AOAH: variants seen among roughly 807,000 people sequenced by gnomAD.
The protein encoded by AOAH is acyloxyacyl hydrolase (neutrophil).
Under a neutral mutation model 92.2 loss-of-function variants are expected in AOAH, and 64 were observed. The ratio of observed to expected loss-of-function variants is 0.69; its 90% CI spans 0.57 to 0.86. The LOEUF (loss-of-function observed/expected upper bound fraction) is 0.86. Among genes scored for constraint, AOAH ranks in the 40% least tolerant of loss-of-function variants. The pLI, the probability that AOAH is intolerant of heterozygous loss-of-function variation, is 0.00. For missense variants in AOAH, 656 were observed against 694.6 expected, an observed-to-expected ratio of 0.94 and a Z score of 0.62; for synonymous variants, 263 against 254.5, an observed-to-expected ratio of 1.03 and a Z score of -0.32.
At chr7:36,619,919 A>C (rs1792160526) in intron 9 of AOAH, among the ~76,000 whole-genome samples, 1 of 152,142 alleles carries the variant, frequency 6.6e-6, no homozygotes, top group Non-Finnish European at 1.5e-5. Flanking sequence ...AATATCTTGA[A>C]GTTAGGGAAT....
chr7:36,601,921 A>G (rs1183192644), intron 11 of AOAH, among the ~76,000 whole-genome samples: 1 of 152,266 alleles, frequency 6.6e-6, no homozygotes, highest in African/African-American at 2.4e-5. Context: ...AACACCAAGT[A>G]TTACAGTTAC....
At chr7:36,673,065 A>C (rs893859818) in intron 3 of AOAH, among the ~76,000 whole-genome samples, 1 of 152,208 alleles carries the variant, frequency 6.6e-6, no homozygotes, top group Non-Finnish European at 1.5e-5. Flanking sequence ...ATAGGAGCAG[A>C]GAAAGTTATG....
chr7:36,669,085 G>A (rs895643862), intron 3 of AOAH, among the ~76,000 whole-genome samples: 2 of 152,142 alleles, frequency 1.3e-5, no homozygotes, highest in Non-Finnish European at 2.9e-5. Flanking sequence ...ATCTAAAGAG[G>A]AGCAAGGATG....
intron 12 of AOAH, among the ~76,000 whole-genome samples, chr7:36,579,119 G>T (rs552330703): frequency 1.3e-5 from 2 of 151,980 alleles, no homozygotes; most frequent in African/African-American, 4.8e-5. Context: ...TGAGAAATCC[G>T]CCTCCATGTT....
chr7:36,653,276 G>A (rs1300908015), intron 4 of AOAH, among the ~76,000 whole-genome samples: 2 of 152,126 alleles, frequency 1.3e-5, no homozygotes, highest in Non-Finnish European at 2.9e-5. Flanking sequence ...CCAATTTCCT[G>A]TCTATCTGTG....
At chr7:36,587,912 AT>A (rs1453952464) in intron 12 of AOAH, among the ~76,000 whole-genome samples, 1 of 152,200 alleles carries the variant, frequency 6.6e-6, no homozygotes, top group East Asian at 1.9e-4. Flanking sequence ...AAAAACCATG[AT>A]TTGTTATCAA....
chr7:36,655,578 T>A (rs911509291), intron 4 of AOAH, among the ~76,000 whole-genome samples: 2 of 152,174 alleles, frequency 1.3e-5, no homozygotes, highest in African/African-American at 4.8e-5. Context: ...CCTGAAAAGC[T>A]AAGTGAAAAT....
rs559330684 is a variant in AOAH at position 36,717,368 on chromosome 7, T to C, written c.127+6654A>G. On this transcript the variant is annotated intron_variant, in intron 1 of 20. Transcript: ENST00000617537. Reference sequence around the variant, plus strand: ...TGGCAGCCATCTCTGTATTTTGAGCTCTCCCCACTCCCACCCACCCCTTAG... The same window carrying C: ...TGGCAGCCATCTCTGTATTTTGAGCCCTCCCCACTCCCACCCACCCCTTAG... Among the ~76,000 whole-genome samples the C allele has an allele frequency of 1.3e-3, 200 of 152,094 alleles. 1 individual carries two copies. Among genetic ancestry groups the C allele is most frequent in the African/African-American group, 4.7e-3 (194 of 41,468 alleles).
chr7:36,616,609 T>C (rs1262343558), intron 10 of AOAH, 135 bp from the exon 11 acceptor site: 1 of 687,700 alleles, frequency 1.5e-6, no homozygotes, highest in Admixed American at 2.3e-5. Flanking sequence ...ATTACCACTT[T>C]TCGCATGTTT....
intron 1 of AOAH, among the ~76,000 whole-genome samples, chr7:36,691,575 TAGA>T (rs1797402451): frequency 6.6e-6 from 1 of 151,804 alleles, no homozygotes. Flanking sequence ...TAGTAGAGAG[TAGA>T]AGAATTGGGA....
At chr7:36,690,050 C>A in intron 1 of AOAH, 1 of 354,990 alleles carries the variant, frequency 2.8e-6, no homozygotes. Flanking sequence ...AGGATAAATG[C>A]AAAGCGAATG....
chr7:36,547,507 G>T (rs1250351390), intron 15 of AOAH, among the ~76,000 whole-genome samples: 1 of 152,210 alleles, frequency 6.6e-6, no homozygotes, highest in Non-Finnish European at 1.5e-5. Flanking sequence ...GAGCAGGATG[G>T]CCCACTTCTA....
intron 4 of AOAH, among the ~76,000 whole-genome samples, chr7:36,641,580 G>A (rs1793922052): frequency 6.6e-6 from 1 of 152,150 alleles, no homozygotes; most frequent in South Asian, 2.1e-4. Context: ...TATTTCCTTT[G>A]AAAGCTCGCT....
At chr7:36,677,843 A>C (rs1796350959) in intron 2 of AOAH, among the ~76,000 whole-genome samples, 1 of 152,224 alleles carries the variant, frequency 6.6e-6, no homozygotes, top group Admixed American at 6.5e-5. Context: ...GAAAGAAATC[A>C]GTCACACAAG....
intron 11 of AOAH, among the ~76,000 whole-genome samples, chr7:36,615,625 C>T (rs1161977923): frequency 6.6e-6 from 1 of 152,184 alleles, no homozygotes; most frequent in African/African-American, 2.4e-5. Flanking sequence ...ACAATCTCCC[C>T]AGGTGTTTGC....
At chr7:36,523,391 G>A (rs189607801) in intron 19 of AOAH, among the ~76,000 whole-genome samples, 40 of 152,346 alleles carry the variant, frequency 2.6e-4, no homozygotes, top group African/African-American at 9.1e-4. Context: ...GTTGTGGCGT[G>A]CTGGTAAATA....
In AOAH at chr7:36,693,531, TTA is replaced by T. The variant is rs1491531687; in HGVS notation, c.128-6739_128-6738del. On this transcript the variant is annotated intron_variant, in intron 1 of 20. Coordinates refer to ENST00000617537, the MANE Select transcript of AOAH (RefSeq NM_001637.4). ...ATTTAATGTATTTTTATAGTTGAAA[TTA>T]TTTTTTTGATCACACTATTGATCAA... 6.6e-4 allele frequency among the ~76,000 whole-genome samples: 67 copies of T among 101,860 alleles called. 1 individual carries two copies. In the Middle Eastern group the frequency reaches 0.013, roughly 20 times the overall value. The allele number at this position is 101,860 out of a possible 152,430, so 66.8% of individuals were successfully genotyped here.
At chr7:36,665,741 T>G (rs1795491239) in intron 3 of AOAH, among the ~76,000 whole-genome samples, 1 of 151,498 alleles carries the variant, frequency 6.6e-6, no homozygotes, top group South Asian at 2.1e-4. Flanking sequence ...TTACTGAGAG[T>G]TTTTTTTAAA....
intron 1 of AOAH, among the ~76,000 whole-genome samples, chr7:36,698,803 G>T (rs1039901608): frequency 2.6e-5 from 4 of 151,932 alleles, no homozygotes; most frequent in Non-Finnish European, 5.9e-5. Flanking sequence ...ATTTATTTGT[G>T]CTAGAAACAT....
Sources: allele counts gnomAD v4.1 joint callset (sites outside exome capture counted in the v4.1 genomes callset), GRCh38; gene constraint gnomAD v4.1.1; transcripts MANE v1.5; gene names NCBI Gene and HGNC (gene_info 2026-07-23, HGNC 2026-07-21).